The following CACNA2D3 variants were observed in gnomAD, a reference collection of about 807,000 sequenced individuals.
The protein encoded by CACNA2D3 is calcium voltage-gated channel auxiliary subunit alpha2delta 3.
In CACNA2D3, 60 loss-of-function variants were observed where a neutral mutation model predicts 160.6. That is an observed-to-expected ratio of 0.37 (90% confidence interval 0.30 to 0.46). CACNA2D3 has a LOEUF of 0.46. CACNA2D3 is among the 20% of genes least tolerant of loss of function. The pLI is 1.00. For missense variants in CACNA2D3, 1,205 were observed against 1,365.0 expected (o/e 0.88, Z 1.85); for synonymous variants, 558 against 492.9 (o/e 1.13, Z -1.75).
At chr3:54,998,742 T>C (rs113570001) in intron 31 of CACNA2D3, among the ~76,000 whole-genome samples, 13,318 of 151,648 alleles carry the variant, frequency 0.088, 633 homozygotes, top group Non-Finnish European at 0.1. Flanking sequence ...TGTTTTGTTT[T>C]GTTTTGTTTT....
intron 35 of CACNA2D3, among the ~76,000 whole-genome samples, chr3:55,071,372 G>T (rs1465952755): frequency 6.6e-6 from 1 of 152,224 alleles, no homozygotes; most frequent in South Asian, 2.1e-4. Flanking sequence ...GCAGTCATGT[G>T]TCTGTAGGGG....
At chr3:54,831,538 C>T (rs1703877712) in intron 14 of CACNA2D3, among the ~76,000 whole-genome samples, 1 of 152,250 alleles carries the variant, frequency 6.6e-6, no homozygotes, top group South Asian at 2.1e-4. Context: ...AGCCAAACTT[C>T]TACTCATTGT....
In CACNA2D3 at chr3:54,642,223, C is replaced by T. The variant is rs1699536810; in HGVS notation, c.1149C>T (p.Tyr383=). The T allele has an allele frequency of 2.5e-6, 4 of 1,610,480 alleles. No individual in the cohort carries two copies. The highest frequency in any genetic ancestry group is 1.3e-5 in the African/African-American group (1 of 74,840). ...CCTATGATACAATCTTTGCAAAATA[C>T]AATTGGCCAGATCGAAAGGTAAGTT... The part of the protein sequence containing the change: ...VDTYDTIFAK[Y]NWPDRKVRIF... Residue 383 remains tyrosine (Y), a synonymous_variant, in exon 11 of 38, where the codon TAC becomes TAT. Transcript: ENST00000474759.
Position 54,136,052 on chromosome 3 carries a change from G to T in CACNA2D3, c.204+12458G>T, listed in dbSNP as rs891166533. On this transcript the variant is annotated intron_variant, in intron 2 of 37. Coordinates refer to ENST00000474759, the MANE Select transcript of CACNA2D3 (RefSeq NM_018398.3). ...CCATGCCTTTCAAAGCTACCCAGCT[G>T]ATCTCCACTGGAAATCTGTTCTAGT... is the stretch of plus-strand genomic sequence containing the variant. Among the ~76,000 whole-genome samples, 19 of 152,342 alleles carry T rather than the reference G, an allele frequency of 1.2e-4. No individual in the cohort carries two copies. In the East Asian group the frequency reaches 3.5e-3, roughly 28 times the overall value.
Position 54,122,765 on chromosome 3 carries a change from C to A in CACNA2D3, c.52C>A (p.Leu18Ile). Residue 18 changes from leucine (L) to isoleucine (I), a missense_variant, in exon 1 of 38, where the codon CTC (leucine) becomes ATC (isoleucine). Physicochemically the swap from Leu to Ile is conservative, Grantham distance 5. Transcript: ENST00000474759. The part of the protein sequence containing the change: ...RRASRGASAL[L>I]AAALLYAALG... ...CGCGTCCCGGGGGGCCTCGGCGCTTCTCGCTGCCGCGCTTCTCTACGCCGC... is the reference window on the plus strand; with the variant it reads ...CGCGTCCCGGGGGGCCTCGGCGCTTATCGCTGCCGCGCTTCTCTACGCCGC... 8.2e-7 allele frequency: 1 copy of A among 1,225,826 alleles called. No homozygotes were observed. The allele number at this position is 1,225,826 out of a possible 1,614,324, so 75.9% of individuals were successfully genotyped here. A position where few individuals can be genotyped will look rare whatever the true frequency, so the allele number is the denominator to read the frequency against.
chr3:54,345,155 A>ATTCT (rs1223632149), intron 3 of CACNA2D3, among the ~76,000 whole-genome samples: 7 of 152,238 alleles, frequency 4.6e-5, no homozygotes, highest in African/African-American at 1.7e-4. Context: ...TGGAGTAGCC[A>ATTCT]TTCTTTTATT....
At chr3:54,271,488 ATCT>A (rs1166614383) in intron 2 of CACNA2D3, among the ~76,000 whole-genome samples, 1 of 152,208 alleles carries the variant, frequency 6.6e-6, no homozygotes. Flanking sequence ...ATAAATTATC[ATCT>A]TCTTTGGCCA....
chr3:54,961,009 C>G (rs1306675661), intron 27 of CACNA2D3, among the ~76,000 whole-genome samples: 1 of 152,096 alleles, frequency 6.6e-6, no homozygotes, highest in African/African-American at 2.4e-5. Context: ...ATGAAATATT[C>G]CCAAAAAATG....
chr3:54,350,986 G>GTTTTGTTT (rs1698548788), intron 3 of CACNA2D3, among the ~76,000 whole-genome samples: 1 of 65,922 alleles, frequency 1.5e-5, no homozygotes. Flanking sequence ...TTTTTTGTTT[G>GTTTTGTTT]TTTTTTTTTT....
At chr3:54,175,560 C>G (rs1162420749) in intron 2 of CACNA2D3, among the ~76,000 whole-genome samples, 1 of 140,186 alleles carries the variant, frequency 7.1e-6, no homozygotes. Flanking sequence ...TTGCAGTGAG[C>G]TGAGGTTGCG....
At chr3:54,430,898 C>G (rs1216642978) in intron 4 of CACNA2D3, among the ~76,000 whole-genome samples, 1 of 152,102 alleles carries the variant, frequency 6.6e-6, no homozygotes, top group Non-Finnish European at 1.5e-5. Flanking sequence ...TTTGACTCCC[C>G]AAAAACTTAA....
chr3:54,368,764 C>G (rs139763007), intron 3 of CACNA2D3, among the ~76,000 whole-genome samples: 1 of 131,698 alleles, frequency 7.6e-6, no homozygotes, highest in East Asian at 2.4e-4. Context: ...TGTAGTGGCA[C>G]GATCTCGGCT....
At chr3:55,063,308 G>A (rs1037292089) in intron 35 of CACNA2D3, among the ~76,000 whole-genome samples, 4 of 151,558 alleles carry the variant, frequency 2.6e-5, no homozygotes, top group Non-Finnish European at 5.9e-5. Flanking sequence ...TCATCCGTAA[G>A]CATACTCAGC....
At chr3:54,616,434 C>T (rs535519367) in intron 9 of CACNA2D3, among the ~76,000 whole-genome samples, 17 of 152,314 alleles carry the variant, frequency 1.1e-4, no homozygotes, top group African/African-American at 3.4e-4. Flanking sequence ...AGAGATCAGA[C>T]GAGCAACTGT....
intron 11 of CACNA2D3, among the ~76,000 whole-genome samples, chr3:54,675,734 C>T (rs1433244490): frequency 6.6e-6 from 1 of 152,138 alleles, no homozygotes; most frequent in African/African-American, 2.4e-5. Context: ...TAAAAAGTCT[C>T]AACAGTCAAA....
chr3:54,787,764 G>A (rs1575475617), intron 13 of CACNA2D3, among the ~76,000 whole-genome samples: 1 of 152,270 alleles, frequency 6.6e-6, no homozygotes, highest in East Asian at 1.9e-4. Flanking sequence ...CTATGCAGAC[G>A]AAAGTTAGTG....
chr3:54,819,220 G>T (rs1487890195), intron 14 of CACNA2D3, among the ~76,000 whole-genome samples: 1 of 152,062 alleles, frequency 6.6e-6, no homozygotes, highest in Non-Finnish European at 1.5e-5. Context: ...TGTTACCATG[G>T]GTAAGTTACT....
At chr3:54,782,103 A>G (rs538505200) in intron 13 of CACNA2D3, among the ~76,000 whole-genome samples, 1 of 152,310 alleles carries the variant, frequency 6.6e-6, no homozygotes, top group South Asian at 2.1e-4. Context: ...TAATTGAGAA[A>G]ATTTTTGGTG....
At chr3:54,994,354 A>C (rs994157715) in intron 31 of CACNA2D3, among the ~76,000 whole-genome samples, 1 of 152,174 alleles carries the variant, frequency 6.6e-6, no homozygotes, top group East Asian at 1.9e-4. Context: ...CTAATACTCA[A>C]CAACTCATGT....
Sources: gnomAD v4.1 joint callset for allele counts (sites outside exome capture counted in the v4.1 genomes callset) on GRCh38, gnomAD v4.1.1 for gene constraint, MANE v1.5 for transcripts, NCBI Gene and HGNC (gene_info 2026-07-23, HGNC 2026-07-21) for gene names.